Variants in PALS2 observed in about 807,000 individuals in gnomAD.
PALS2 encodes the protein protein PALS2.
A neutral mutation model predicts 61.6 loss-of-function variants in PALS2; 27 were observed. The ratio of observed to expected loss-of-function variants is 0.44; its 90% confidence interval spans 0.32 to 0.60. The LOEUF is 0.60. Among genes scored for constraint, PALS2 ranks in the 20% least tolerant of loss-of-function variants. The pLI, the probability that PALS2 is intolerant of heterozygous loss-of-function variation, is 0.05. For missense variants in PALS2, 554 were observed against 639.4 expected (o/e 0.87, Z 1.44); for synonymous variants, 236 against 218.6 (o/e 1.08, Z -0.70).
intron 1 of PALS2, among the ~76,000 whole-genome samples, chr7:24,593,058 A>C (rs1400963350): frequency 6.6e-6 from 1 of 152,148 alleles, no homozygotes; most frequent in African/African-American, 2.4e-5. Flanking sequence ...AATTGGAGTT[A>C]ATCCTTTCAA....
rs1583981726 is a variant in PALS2 at position 24,668,426 on chromosome 7, T to C, written c.953-73T>C. 2.9e-6 allele frequency: 4 copies of C among 1,383,350 alleles called. No individual in the cohort carries two copies. The East Asian group carries it at 9.7e-5, about 34-fold the overall frequency. 85.7% of individuals were successfully genotyped at this position (1,383,350 alleles called of 1,614,324 possible). A position where few individuals can be genotyped will look rare whatever the true frequency, so the allele number is the denominator to read the frequency against. Reference sequence around the variant, plus strand: ...ACTATCAAGACAGCTAAGCCATTACTAGACAGAATTGCAGAGATTTCTTTC... The same window carrying C: ...ACTATCAAGACAGCTAAGCCATTACCAGACAGAATTGCAGAGATTTCTTTC... On this transcript the variant is annotated intron_variant, in intron 8 of 11. Transcript: ENST00000222644.
chr7:24,581,244 C>CGTGTGT lies in PALS2; in HGVS notation c.-3+7692_-3+7697dup, dbSNP rs55768123. ...CAGCTCTGTGTCTTTCATTTCCCCA[C>CGTGTGT]GTGTGTGTGTGTGTGTGTGTGTGTG... On this transcript the variant is annotated intron_variant, in intron 1 of 11. Coordinates refer to ENST00000222644, the MANE Select transcript of PALS2 (RefSeq NM_001303037.2). Among the ~76,000 whole-genome samples, 187 of 143,128 alleles carry CGTGTGT rather than the reference C, an allele frequency of 1.3e-3. 1 individual carries two copies. Among genetic ancestry groups the CGTGTGT allele is most frequent in the South Asian group, 6.2e-3 (26 of 4,182 alleles). 93.9% of individuals were successfully genotyped at this position (143,128 alleles called of 152,430 possible).
chr7:24,587,357 A>C (rs1212268274), intron 1 of PALS2, among the ~76,000 whole-genome samples: 1 of 151,934 alleles, frequency 6.6e-6, no homozygotes, highest in African/African-American at 2.4e-5. Context: ...TAAAGATACT[A>C]ATAGTAAGGA....
intron 1 of PALS2, among the ~76,000 whole-genome samples, chr7:24,602,910 G>A (rs997794229): frequency 3.3e-5 from 5 of 152,126 alleles, no homozygotes; most frequent in African/African-American, 4.8e-5. Flanking sequence ...TAAGCATCTG[G>A]TATTTTCCCT....
At chr7:24,639,295 A>C (rs74567165) in intron 2 of PALS2, among the ~76,000 whole-genome samples, 1 of 152,210 alleles carries the variant, frequency 6.6e-6, no homozygotes, top group Non-Finnish European at 1.5e-5. Flanking sequence ...GTGTTAGACT[A>C]CTTGACTCTG....
intron 7 of PALS2, 95 bp from the exon 8 acceptor site, chr7:24,665,926 G>C: frequency 2.4e-6 from 3 of 1,225,498 alleles, no homozygotes; most frequent in Non-Finnish European, 3.5e-6. Context: ...TGCCACATTG[G>C]GGAGATAATT....
intron 3 of PALS2, among the ~76,000 whole-genome samples, chr7:24,648,579 C>T (rs1350882131): frequency 1.3e-5 from 2 of 151,742 alleles, no homozygotes; most frequent in East Asian, 1.9e-4. Flanking sequence ...CAGGCATGAG[C>T]CACCGCGCCT....
chr7:24,607,112 G>A (rs1007749865), intron 1 of PALS2, among the ~76,000 whole-genome samples: 1 of 152,048 alleles, frequency 6.6e-6, no homozygotes, highest in Admixed American at 6.6e-5. Flanking sequence ...AACCTTATGA[G>A]TTGTATCAAT....
intron 1 of PALS2, among the ~76,000 whole-genome samples, chr7:24,581,520 G>A (rs1782844846): frequency 6.6e-6 from 1 of 152,156 alleles, no homozygotes; most frequent in Admixed American, 6.5e-5. Context: ...AGGAGGAGTT[G>A]ATAAGTCTTT....
At chr7:24,600,196 C>G (rs1336454959) in intron 1 of PALS2, among the ~76,000 whole-genome samples, 1 of 152,162 alleles carries the variant, frequency 6.6e-6, no homozygotes, top group Non-Finnish European at 1.5e-5. Context: ...TGTTTTCAAA[C>G]TTGTTAAGCA....
intron 1 of PALS2, among the ~76,000 whole-genome samples, chr7:24,589,779 A>G (rs1783212199): frequency 6.6e-6 from 1 of 152,210 alleles, no homozygotes; most frequent in Admixed American, 6.5e-5. Context: ...TGAATGTACC[A>G]TGAAAGTTAA....
At chr7:24,592,410 C>T (rs560938699) in intron 1 of PALS2, among the ~76,000 whole-genome samples, 221 of 152,052 alleles carry the variant, frequency 1.5e-3, no homozygotes, top group Non-Finnish European at 2.6e-3. Flanking sequence ...CAAGTGGGGA[C>T]GTTTGGACTG....
chr7:24,642,538 A>C (rs767122760), intron 3 of PALS2, among the ~76,000 whole-genome samples: 1 of 152,186 alleles, frequency 6.6e-6, no homozygotes, highest in African/African-American at 2.4e-5. Context: ...CGTATATGGT[A>C]ACTTGATTTA....
intron 1 of PALS2, among the ~76,000 whole-genome samples, chr7:24,597,628 A>G (rs946263667): frequency 1.3e-5 from 2 of 152,208 alleles, no homozygotes; most frequent in African/African-American, 4.8e-5. Context: ...GGAATAACCC[A>G]TGGATCATGG....
Position 24,623,841 on chromosome 7 carries a change from A to C in PALS2, c.117+57A>C, listed in dbSNP as rs569526844. ...TATTTTGGACTTAGTTTTTATAGAG[A>C]TATTTTCAGATATTACTATTTTAGA... On this transcript the variant is annotated intron_variant, in intron 2 of 11. Transcript: ENST00000222644. 4.3e-5 allele frequency: 53 copies of C among 1,243,494 alleles called. No homozygotes were observed. The South Asian group carries it at 7.3e-4, about 17-fold the overall frequency. The allele number at this position is 1,243,494 out of a possible 1,614,324, so 77.0% of individuals were successfully genotyped here.
At chr7:24,631,021 G>T (rs919531096) in intron 2 of PALS2, among the ~76,000 whole-genome samples, 3 of 152,102 alleles carry the variant, frequency 2.0e-5, no homozygotes, top group African/African-American at 7.2e-5. Context: ...TGGATTAAGG[G>T]GTAATTTTGA....
chr7:24,682,299 T>G (rs1238361874), intron 11 of PALS2, among the ~76,000 whole-genome samples: 1 of 152,186 alleles, frequency 6.6e-6, no homozygotes, highest in African/African-American at 2.4e-5. Flanking sequence ...TGGTGGTTCT[T>G]TCTCAGCTTC....
intron 1 of PALS2, among the ~76,000 whole-genome samples, chr7:24,608,293 C>G (rs1358363244): frequency 6.6e-6 from 1 of 152,094 alleles, no homozygotes; most frequent in Non-Finnish European, 1.5e-5. Context: ...TGAGGTTTCA[C>G]TTAGTGTTTC....
At chr7:24,669,009 T>C (rs938437758) in intron 9 of PALS2, among the ~76,000 whole-genome samples, 1 of 152,176 alleles carries the variant, frequency 6.6e-6, no homozygotes, top group Non-Finnish European at 1.5e-5. Context: ...GCCATTTTAG[T>C]GTAAAGAAAA....
Sources: allele counts gnomAD v4.1 joint callset (sites outside exome capture counted in the v4.1 genomes callset), GRCh38; gene constraint gnomAD v4.1.1; transcripts MANE v1.5; gene names NCBI Gene and HGNC (gene_info 2026-07-23, HGNC 2026-07-21).